ADAMTS20: variants seen among roughly 807,000 people sequenced by gnomAD.
ADAMTS20 encodes ADAM metallopeptidase with thrombospondin type 1 motif 20, also known as A disintegrin and metalloproteinase with thrombospondin motifs 20.
Under a neutral mutation model 260.1 loss-of-function variants are expected in ADAMTS20, and 225 were observed. The ratio of observed to expected loss-of-function variants is 0.87; its 90% CI spans 0.78 to 0.97. ADAMTS20 has a LOEUF of 0.97. Among genes scored for constraint, ADAMTS20 ranks in the 50% least tolerant of loss-of-function variants. The pLI, the probability that ADAMTS20 is intolerant of heterozygous loss-of-function variation, is 0.00. For missense variants in ADAMTS20, 2,400 were observed against 2,337.7 expected, an observed-to-expected ratio of 1.03 and a Z score of -0.55; for synonymous variants, 802 against 769.5, an observed-to-expected ratio of 1.04 and a Z score of -0.70.
At chr12:43,456,059 T>C (rs961993561) in intron 11 of ADAMTS20, among the ~76,000 whole-genome samples, 1 of 152,202 alleles carries the variant, frequency 6.6e-6, no homozygotes, top group Non-Finnish European at 1.5e-5. Context: ...GAGAATATGA[T>C]AATTCGATTA....
chr12:43,485,094 CA>C (rs59409245), intron 7 of ADAMTS20, among the ~76,000 whole-genome samples: 33,394 of 118,152 alleles, frequency 0.28, 4,208 homozygotes, highest in Admixed American at 0.34. Context: ...AGGACGTAGC[CA>C]AAAAAAAAAA....
At chr12:43,460,694 G>A (rs1942043355) in intron 11 of ADAMTS20, among the ~76,000 whole-genome samples, 1 of 151,808 alleles carries the variant, frequency 6.6e-6, no homozygotes, top group Admixed American at 6.6e-5. Flanking sequence ...TCTATTGACA[G>A]GAGAATTGAT....
intron 14 of ADAMTS20, among the ~76,000 whole-genome samples, chr12:43,448,894 A>G (rs1462542238): frequency 2.6e-5 from 4 of 152,216 alleles, no homozygotes; most frequent in African/African-American, 9.6e-5. Context: ...AAAGCGCAAT[A>G]TCACTGATCA....
chr12:43,433,434 C>T (rs1010897076), intron 19 of ADAMTS20, among the ~76,000 whole-genome samples: 22 of 152,242 alleles, frequency 1.4e-4, no homozygotes, highest in Admixed American at 4.6e-4. Flanking sequence ...TCCCTAATAG[C>T]ATCTCAAGAA....
rs777040071 is a variant in ADAMTS20, at chr12:43,428,327, A to G, written c.3859T>C (p.Leu1287=). 5 of 1,613,850 alleles carry G rather than the reference A, an allele frequency of 3.1e-6. No individual in the cohort carries two copies. In the East Asian group the frequency reaches 1.1e-4, roughly 36 times the overall value. Residue 1287 remains leucine, a synonymous_variant, in exon 26 of 39, where the codon TTA becomes CTA. Transcript: ENST00000389420. ...TCATTATCTTCAAGTTTTTGAGTTA[A>G]TGGCAAATTCGTGCTTAGATAATAG... ...PSYYLSTNLP[L]TQKLEDNENQ...
In ADAMTS20 at chr12:43,383,741, T is replaced by C; in HGVS notation, c.4627-13A>G. On this transcript the variant is annotated splice_polypyrimidine_tract_variant and intron_variant, in intron 30 of 38. Coordinates refer to ENST00000389420, the MANE Select transcript of ADAMTS20 (RefSeq NM_025003.5). ...ATGATGTTGAACACTAGAAATGCAA[T>C]AACCAAATGAATAACACATTCTTAT... 1 of 1,613,714 alleles carries C rather than the reference T, an allele frequency of 6.2e-7. No homozygotes were observed.
intron 7 of ADAMTS20, among the ~76,000 whole-genome samples, chr12:43,483,885 GA>G (rs1319540449): frequency 2.0e-5 from 3 of 152,126 alleles, no homozygotes; most frequent in African/African-American, 7.2e-5. Context: ...TCAATCCAGT[GA>G]ATAAAGTAAT....
intron 3 of ADAMTS20, among the ~76,000 whole-genome samples, chr12:43,515,087 A>G (rs61428508): frequency 6.6e-6 from 1 of 152,130 alleles, no homozygotes; most frequent in African/African-American, 2.4e-5. Context: ...TGTTTTTCAA[A>G]CTTTTATACA....
At chr12:43,489,516 A>T (rs1331567750) in intron 7 of ADAMTS20, among the ~76,000 whole-genome samples, 1 of 151,980 alleles carries the variant, frequency 6.6e-6, no homozygotes, top group African/African-American at 2.4e-5. Context: ...TTCATTAGCA[A>T]TCAGTGAAAA....
chr12:43,431,644 T>G, intron 21 of ADAMTS20, 148 bp from the exon 22 acceptor site: 1 of 924,730 alleles, frequency 1.1e-6, no homozygotes, highest in South Asian at 1.5e-5. Context: ...AGATATTCAC[T>G]GGGTAAAATC....
chr12:43,404,753 A>T (rs1940880002), intron 28 of ADAMTS20, among the ~76,000 whole-genome samples: 1 of 152,164 alleles, frequency 6.6e-6, no homozygotes, highest in Non-Finnish European at 1.5e-5. Flanking sequence ...CAATATTAGA[A>T]AAAGGCTTTG....
chr12:43,456,575 G>T (rs375128361), intron 11 of ADAMTS20, among the ~76,000 whole-genome samples: 1 of 152,036 alleles, frequency 6.6e-6, no homozygotes, highest in Non-Finnish European at 1.5e-5. Flanking sequence ...AATAGCACTC[G>T]AACATAAATT....
intron 3 of ADAMTS20, among the ~76,000 whole-genome samples, chr12:43,518,187 A>C (rs1943023974): frequency 6.6e-6 from 1 of 152,092 alleles, no homozygotes; most frequent in African/African-American, 2.4e-5. Context: ...CAATTCATCT[A>C]ACTCTTAACT....
At chr12:43,357,040 G>A (rs1183870614) in intron 37 of ADAMTS20, among the ~76,000 whole-genome samples, 5 of 152,138 alleles carry the variant, frequency 3.3e-5, no homozygotes, top group Non-Finnish European at 7.4e-5. Flanking sequence ...GATGTGTGAT[G>A]CCACATGATT....
At chr12:43,464,823 T>A in intron 9 of ADAMTS20, 91 bp from the exon 10 acceptor site, 1 of 1,336,448 alleles carries the variant, frequency 7.5e-7, no homozygotes, top group African/African-American at 1.5e-5. Context: ...TTCTTTACTT[T>A]CAAAGAGAAT....
intron 14 of ADAMTS20, among the ~76,000 whole-genome samples, chr12:43,450,691 A>T: frequency 6.6e-6 from 1 of 151,172 alleles, no homozygotes; most frequent in East Asian, 1.9e-4. Context: ...AACTGAAGGA[A>T]TAAGTTCATA....
At chr12:43,368,950 G>T (rs1372565407) in intron 37 of ADAMTS20, among the ~76,000 whole-genome samples, 3 of 152,156 alleles carry the variant, frequency 2.0e-5, no homozygotes, top group South Asian at 2.1e-4. Flanking sequence ...CAGCAGAAGT[G>T]TATGAAAGTC....
chr12:43,528,889 T>C (rs1372987970), intron 3 of ADAMTS20, among the ~76,000 whole-genome samples: 1 of 152,140 alleles, frequency 6.6e-6, no homozygotes, highest in East Asian at 1.9e-4. Flanking sequence ...GAGAATATAT[T>C]TGCAAACTAT....
chr12:43,450,131 A>C (rs1397339), intron 14 of ADAMTS20, among the ~76,000 whole-genome samples: 106,818 of 152,030 alleles, frequency 0.7, 37,860 homozygotes, highest in East Asian at 1. Context: ...TTAAAAGTAA[A>C]GTTTTCTCTA....
Sources: allele counts gnomAD v4.1 joint callset (sites outside exome capture counted in the v4.1 genomes callset), GRCh38; gene constraint gnomAD v4.1.1; transcripts MANE v1.5; gene names NCBI Gene and HGNC (gene_info 2026-07-23, HGNC 2026-07-21).